ULK4: variants seen among roughly 807,000 people sequenced by gnomAD.
ULK4 encodes the protein inactive serine/threonine-protein kinase ULK4.
In ULK4, 133 loss-of-function variants were observed where a neutral mutation model predicts 160.6. The observed-to-expected ratio is 0.83, with a 90% confidence interval of 0.72 to 0.96. The LOEUF is 0.96. Among genes scored for constraint, ULK4 ranks in the 40% least tolerant of loss-of-function variants. The pLI is 0.00. For synonymous variants in ULK4, 534 were observed against 539.8 expected, an observed-to-expected ratio of 0.99 and a Z score of 0.15; for missense variants, 1,580 against 1,499.5, an observed-to-expected ratio of 1.05 and a Z score of -0.89.
chr3:41,961,550 A>ACCCCTTCC (rs57463009), intron 1 of ULK4, among the ~76,000 whole-genome samples: 4 of 124,722 alleles, frequency 3.2e-5, no homozygotes, highest in African/African-American at 1.7e-4. Flanking sequence ...GTAGTCACTC[A>ACCCCTTCC]CCCCCCCCCC....
intron 18 of ULK4, among the ~76,000 whole-genome samples, chr3:41,828,368 T>TGCAA (rs1186495174): frequency 6.6e-6 from 1 of 150,484 alleles, no homozygotes; most frequent in Admixed American, 6.7e-5. Context: ...TGTCCCTGTT[T>TGCAA]ACAGATGACA....
At chr3:41,575,586 CTTAAAA>C (rs1197166282) in intron 31 of ULK4, among the ~76,000 whole-genome samples, 1 of 152,184 alleles carries the variant, frequency 6.6e-6, no homozygotes, top group Non-Finnish European at 1.5e-5. Context: ...GAGAAGGCAA[CTTAAAA>C]TTATTTTTAA....
chr3:41,316,273 G>A (rs1369965172), intron 35 of ULK4, among the ~76,000 whole-genome samples: 1 of 152,152 alleles, frequency 6.6e-6, no homozygotes, highest in Non-Finnish European at 1.5e-5. Flanking sequence ...AAGTGAAAGA[G>A]GTCAGACAAA....
chr3:41,512,374 CAA>C (rs2085608623), intron 32 of ULK4, among the ~76,000 whole-genome samples: 1 of 152,022 alleles, frequency 6.6e-6, no homozygotes, highest in Admixed American at 6.5e-5. Flanking sequence ...ATACCTACCA[CAA>C]AGACTCATCT....
intron 12 of ULK4, among the ~76,000 whole-genome samples, chr3:41,901,479 C>CTTTTTTTTTTTTTTTTTTCTTTTTT (rs1698360142): frequency 4.4e-5 from 1 of 22,526 alleles, no homozygotes; most frequent in Non-Finnish European, 1.7e-4. Flanking sequence ...CACGCCCAGC[C>CTTTTTTTTTTTTTTTTTTCTTTTTT]TTTTTTTTTT....
At chr3:41,602,536 C>G (rs1197265546) in intron 31 of ULK4, among the ~76,000 whole-genome samples, 6 of 152,084 alleles carry the variant, frequency 3.9e-5, no homozygotes, top group Admixed American at 3.9e-4. Flanking sequence ...AAGAACTTAA[C>G]AATGGAGAAA....
chr3:41,856,533 G>GTATATATA (rs1294902323), intron 17 of ULK4, among the ~76,000 whole-genome samples: 2 of 75,898 alleles, frequency 2.6e-5, no homozygotes, highest in East Asian at 3.0e-4. Flanking sequence ...ATATATATAT[G>GTATATATA]TATGTATATA....
chr3:41,643,623 C>T (rs533435313), intron 30 of ULK4, among the ~76,000 whole-genome samples: 150 of 152,182 alleles, frequency 9.9e-4, no homozygotes, highest in Admixed American at 1.4e-3. Context: ...AGTCAGGTAG[C>T]GTGATGCCTC....
At chr3:41,573,873 G>A (rs1387651454) in intron 31 of ULK4, among the ~76,000 whole-genome samples, 1 of 152,148 alleles carries the variant, frequency 6.6e-6, no homozygotes, top group Non-Finnish European at 1.5e-5. Context: ...TGAGACCCAA[G>A]CTCAGAAAAG....
chr3:41,533,839 G>A lies in ULK4; in HGVS notation c.3226+32186C>T, dbSNP rs1795329. 6.6e-5 allele frequency among the ~76,000 whole-genome samples: 10 copies of A among 152,134 alleles called. 1 individual carries two copies. The highest frequency in any genetic ancestry group is 3.8e-4 in the East Asian group (2 of 5,196). ...TTTTTGTTTTTTGAGATGGAGTCTC[G>A]CTCTTTCGCCCAGGCCGGACTGCAG... On this transcript the variant is annotated intron_variant, in intron 32 of 36. Transcript: ENST00000301831.
chr3:41,606,843 G>A (rs1339124589), intron 31 of ULK4, among the ~76,000 whole-genome samples: 1 of 151,938 alleles, frequency 6.6e-6, no homozygotes, highest in Non-Finnish European at 1.5e-5. Context: ...TGAGTTCCTC[G>A]TACATTCTGG....
chr3:41,491,706 T>C (rs1391593093), intron 32 of ULK4, among the ~76,000 whole-genome samples: 3 of 152,066 alleles, frequency 2.0e-5, no homozygotes, highest in Non-Finnish European at 4.4e-5. Context: ...TATATTTTTT[T>C]TTATTCATTT....
intron 31 of ULK4, among the ~76,000 whole-genome samples, chr3:41,575,674 G>A (rs2088163707): frequency 6.6e-6 from 1 of 152,222 alleles, no homozygotes; most frequent in Non-Finnish European, 1.5e-5. Flanking sequence ...ATACATTCCA[G>A]CTGGCACAGA....
intron 32 of ULK4, among the ~76,000 whole-genome samples, chr3:41,469,291 C>G (rs1257972468): frequency 6.6e-6 from 1 of 152,146 alleles, no homozygotes; most frequent in African/African-American, 2.4e-5. Context: ...CTGCTCCCAG[C>G]CATTCCAATT....
At chr3:41,856,512 A>AAT (rs376773321) in intron 17 of ULK4, among the ~76,000 whole-genome samples, 12,014 of 96,316 alleles carry the variant, frequency 0.12, 1,011 homozygotes, top group Admixed American at 0.21. Flanking sequence ...TAAATAAATA[A>AAT]ATATATATAT....
intron 35 of ULK4, among the ~76,000 whole-genome samples, chr3:41,338,562 A>G (rs2080613689): frequency 6.6e-6 from 1 of 152,112 alleles, no homozygotes. Context: ...ATGGAATAAA[A>G]GCCATTATTT....
At chr3:41,527,986 A>T (rs943879319) in intron 32 of ULK4, among the ~76,000 whole-genome samples, 1 of 152,256 alleles carries the variant, frequency 6.6e-6, no homozygotes, top group African/African-American at 2.4e-5. Context: ...TTATAAATGT[A>T]TGACACAGCT....
chr3:41,898,583 A>G, intron 13 of ULK4, 91 bp from the exon 14 acceptor site: 1 of 767,126 alleles, frequency 1.3e-6, no homozygotes, highest in Non-Finnish European at 2.1e-6. Context: ...TAATAAATCA[A>G]TGAGGACAAA....
At chr3:41,841,612 A>G (rs1275620487) in intron 17 of ULK4, among the ~76,000 whole-genome samples, 1 of 151,912 alleles carries the variant, frequency 6.6e-6, no homozygotes. Flanking sequence ...AGGCCGCCCC[A>G]TCTGGGAAGT....
Sources: allele counts gnomAD v4.1 joint callset (sites outside exome capture counted in the v4.1 genomes callset), GRCh38; gene constraint gnomAD v4.1.1; transcripts MANE v1.5; gene names NCBI Gene and HGNC (gene_info 2026-07-23, HGNC 2026-07-21).